MYO10: variants seen among roughly 807,000 people sequenced by gnomAD.
MYO10 encodes the protein myosin X, also known as unconventional myosin-X.
A neutral mutation model predicts 257.3 loss-of-function variants in MYO10; 133 were observed. The ratio of observed to expected loss-of-function variants is 0.52; its 90% CI spans 0.45 to 0.60. MYO10 has a LOEUF of 0.60. MYO10 is among the 20% of genes least tolerant of loss of function. The pLI is 0.00. For synonymous variants in MYO10, 1,104 were observed against 1,028.6 expected (o/e 1.07, Z -1.40); for missense variants, 2,399 against 2,635.7 (o/e 0.91, Z 1.97).
chr5:16,770,738 T>C (rs1741021310), intron 9 of MYO10, among the ~76,000 whole-genome samples: 1 of 152,196 alleles, frequency 6.6e-6, no homozygotes, highest in Non-Finnish European at 1.5e-5. Flanking sequence ...ACTGGAGATT[T>C]AACACTGCGA....
At chr5:16,834,405 G>A (rs1743252003) in intron 2 of MYO10, among the ~76,000 whole-genome samples, 1 of 152,118 alleles carries the variant, frequency 6.6e-6, no homozygotes, top group Non-Finnish European at 1.5e-5. Context: ...GCAAATCCTG[G>A]TGTCTACAAT....
At chr5:16,704,510 G>A in intron 22 of MYO10, 69 bp downstream of exon 22, 2 of 1,365,012 alleles carry the variant, frequency 1.5e-6, no homozygotes, top group Non-Finnish European at 2.1e-6. Flanking sequence ...CACTCCACTG[G>A]AACACACTGG....
At chr5:16,913,812 G>A (rs1290868803) in intron 1 of MYO10, among the ~76,000 whole-genome samples, 1 of 152,152 alleles carries the variant, frequency 6.6e-6, no homozygotes, top group Non-Finnish European at 1.5e-5. Flanking sequence ...AACAGGCCAG[G>A]CAAAGACTAG....
chr5:16,783,095 C>G (rs25905), intron 5 of MYO10, among the ~76,000 whole-genome samples: 145,928 of 152,308 alleles, frequency 0.96, 70,178 homozygotes, highest in African/African-American at 0.99. Context: ...ACAGCCATTG[C>G]GCGCCACTCA....
intron 2 of MYO10, among the ~76,000 whole-genome samples, chr5:16,840,777 T>TA (rs1743454755): frequency 6.6e-6 from 1 of 151,974 alleles, no homozygotes; most frequent in Admixed American, 6.6e-5. Flanking sequence ...CTAATAAAGT[T>TA]AAAACCAATA....
rs745903439 is a variant in MYO10, at chr5:16,694,448, G to T, written c.3723C>A (p.Leu1241=). 3 of 1,614,004 alleles carry T rather than the reference G, an allele frequency of 1.9e-6. No homozygotes were observed. The change falls in exon 27 of 41, where the codon CTC becomes CTA. Residue 1241 remains leucine, a synonymous_variant. Transcript: ENST00000513610. Reference sequence around the variant, plus strand: ...CAAAGTACATCAGCTTGGACTGGCGGAGGACAAACCAGCGCTTCTTCCAAT... The same window carrying T: ...CAAAGTACATCAGCTTGGACTGGCGTAGGACAAACCAGCGCTTCTTCCAAT... The part of the protein sequence containing the change: ...RRNWKKRWFV[L]RQSKLMYFEN...
At chr5:16,689,709 A>C (rs1561183515) in intron 28 of MYO10, 115 bp downstream of exon 28, 1 of 788,834 alleles carries the variant, frequency 1.3e-6, no homozygotes. Flanking sequence ...TTCTTCAAAA[A>C]AAGTCAATTA....
intron 4 of MYO10, among the ~76,000 whole-genome samples, chr5:16,792,954 A>G (rs1040165036): frequency 1.3e-5 from 2 of 152,080 alleles, no homozygotes; most frequent in Non-Finnish European, 2.9e-5. Flanking sequence ...AACTATTCTG[A>G]GGAAATAATA....
At chr5:16,805,536 C>A (rs541664346) in intron 3 of MYO10, among the ~76,000 whole-genome samples, 1 of 151,148 alleles carries the variant, frequency 6.6e-6, no homozygotes, top group African/African-American at 2.4e-5. Context: ...CATGGGCTCA[C>A]GTCATTTCTC....
chr5:16,805,874 C>A (rs1580010069), intron 3 of MYO10, among the ~76,000 whole-genome samples: 1 of 152,156 alleles, frequency 6.6e-6, no homozygotes, highest in South Asian at 2.1e-4. Flanking sequence ...GAGAAGCTCA[C>A]TTCATCTCTT....
intron 1 of MYO10, among the ~76,000 whole-genome samples, chr5:16,910,690 G>C (rs1419090436): frequency 6.6e-6 from 1 of 152,162 alleles, no homozygotes; most frequent in Non-Finnish European, 1.5e-5. Flanking sequence ...GACCCTGCGG[G>C]ATGGGTACAG....
chr5:16,812,424 G>C (rs940298668), intron 3 of MYO10, among the ~76,000 whole-genome samples: 1 of 152,172 alleles, frequency 6.6e-6, no homozygotes, highest in African/African-American at 2.4e-5. Context: ...GCCTGGGACA[G>C]GAATGCACCC....
chr5:16,822,205 C>T (rs542148877), intron 2 of MYO10, among the ~76,000 whole-genome samples: 3 of 151,594 alleles, frequency 2.0e-5, no homozygotes, highest in South Asian at 2.1e-4. Context: ...ATGGCGTGTG[C>T]GGCAAGCCAC....
At chr5:16,896,503 G>C (rs1230863366) in intron 1 of MYO10, among the ~76,000 whole-genome samples, 4 of 152,154 alleles carry the variant, frequency 2.6e-5, no homozygotes, top group Non-Finnish European at 5.9e-5. Flanking sequence ...GGCTGAGGCA[G>C]AACTGCTTGA....
At chr5:16,915,487 G>A (rs889405409) in intron 1 of MYO10, among the ~76,000 whole-genome samples, 7 of 152,244 alleles carry the variant, frequency 4.6e-5, no homozygotes, top group East Asian at 1.9e-4. Context: ...GGTGTCCTCC[G>A]CATCCCCCTC....
At chr5:16,794,901 A>C in intron 3 of MYO10, 68 bp from the exon 4 acceptor site, 2 of 1,243,730 alleles carry the variant, frequency 1.6e-6, no homozygotes, top group South Asian at 2.1e-5. Context: ...CTCCAACAAA[A>C]CCCACCGAGT....
At chr5:16,702,819 G>A (rs1286101702) in intron 23 of MYO10, 106 bp downstream of exon 23, 5 of 1,095,528 alleles carry the variant, frequency 4.6e-6, no homozygotes, top group South Asian at 1.6e-5. Flanking sequence ...GTTTCAAATT[G>A]TAGGTTCTGG....
In MYO10 at chr5:16,683,874, G is replaced by A; in HGVS notation, c.4046+6C>T. On this transcript the variant is annotated splice_donor_region_variant and intron_variant, in intron 30 of 40. Coordinates refer to ENST00000513610, the MANE Select transcript of MYO10 (RefSeq NM_012334.3). ...TGTTTTTGTTAAGAGCCACATCTGA[G>A]CTTACCTATCAGGGCTGTCAGAGGC... 6.2e-7 allele frequency: 1 copy of A among 1,613,690 alleles called. No homozygotes were observed. The highest frequency in any genetic ancestry group is 8.5e-7 in the Non-Finnish European group (1 of 1,179,778).
chr5:16,798,087 C>G (rs898344371), intron 3 of MYO10, among the ~76,000 whole-genome samples: 2 of 152,166 alleles, frequency 1.3e-5, no homozygotes, highest in African/African-American at 2.4e-5. Flanking sequence ...CAAGCTTTCT[C>G]ATCATGTGAT....
Sources: gnomAD v4.1 joint callset for allele counts (sites outside exome capture counted in the v4.1 genomes callset) on GRCh38, gnomAD v4.1.1 for gene constraint, MANE v1.5 for transcripts, NCBI Gene and HGNC (gene_info 2026-07-23, HGNC 2026-07-21) for gene names.